NALCN: variants seen among roughly 807,000 people sequenced by gnomAD.
NALCN encodes sodium leak channel, non-selective.
Under a neutral mutation model 225.3 loss-of-function variants are expected in NALCN, and 111 were observed. That is an observed-to-expected ratio of 0.49 (90% confidence interval 0.42 to 0.58). The LOEUF is 0.58. NALCN is among the 20% of genes least tolerant of loss of function. The probability of loss-of-function intolerance (pLI) is 0.00; values close to 1 mark genes in which losing one functional copy is unlikely to be tolerated. For synonymous variants in NALCN, 764 were observed against 769.0 expected (o/e 0.99, Z 0.11); for missense variants, 1,378 against 2,202.4 (o/e 0.63, Z 7.49).
At chr13:101,389,629 A>G (rs1238181693) in intron 3 of NALCN, among the ~76,000 whole-genome samples, 2 of 152,210 alleles carry the variant, frequency 1.3e-5, no homozygotes, top group African/African-American at 2.4e-5. Flanking sequence ...ACCCATCAGG[A>G]TAACAACAGT....
chr13:101,116,948 T>A, intron 18 of NALCN: 1 of 516,630 alleles, frequency 1.9e-6, no homozygotes, highest in Non-Finnish European at 3.9e-6. Flanking sequence ...CAATGTGATC[T>A]TCCCAAGTAG....
chr13:101,138,080 C>T (rs2036891538), intron 17 of NALCN, among the ~76,000 whole-genome samples: 1 of 152,192 alleles, frequency 6.6e-6, no homozygotes, highest in African/African-American at 2.4e-5. Flanking sequence ...ATCAATCACA[C>T]TTCTTCTGTA....
intron 13 of NALCN, among the ~76,000 whole-genome samples, chr13:101,202,017 A>G (rs1288462690): frequency 6.6e-6 from 1 of 152,192 alleles, no homozygotes; most frequent in Non-Finnish European, 1.5e-5. Flanking sequence ...AATTGCCTTA[A>G]TGATTCATTT....
At chr13:101,082,582 T>C (rs1358127684) in intron 33 of NALCN, among the ~76,000 whole-genome samples, 1 of 152,238 alleles carries the variant, frequency 6.6e-6, no homozygotes, top group South Asian at 2.1e-4. Flanking sequence ...AGGCCAATGT[T>C]CAGACACAAC....
At position 101,209,811 on chromosome 13, in the gene NALCN, T is replaced by G. The variant is rs531086615; in HGVS notation, c.1627-17757A>C. ...TTGGTTTATCCCAAGAGACAGCAAA[T>G]GTGACATTTGTCTAGAATGTTAACA... On this transcript the variant is annotated intron_variant, in intron 13 of 43. Coordinates refer to ENST00000251127, the MANE Select transcript of NALCN (RefSeq NM_052867.4). Among the ~76,000 whole-genome samples the G allele has an allele frequency of 5.1e-4, 78 of 152,292 alleles. 1 individual carries two copies. In the South Asian group the frequency reaches 0.016, roughly 31 times the overall value.
intron 7 of NALCN, among the ~76,000 whole-genome samples, chr13:101,304,166 T>C (rs1453301945): frequency 1.3e-5 from 2 of 152,174 alleles, no homozygotes; most frequent in African/African-American, 2.4e-5. Flanking sequence ...TCTAAAATGA[T>C]TTTTATTTTA....
chr13:101,149,884 A>G (rs2037549376), intron 15 of NALCN, among the ~76,000 whole-genome samples: 1 of 152,252 alleles, frequency 6.6e-6, no homozygotes, highest in Non-Finnish European at 1.5e-5. Context: ...AGGTAAATCC[A>G]GCAGCCCTGT....
chr13:101,219,065 A>T (rs75267371), intron 13 of NALCN, among the ~76,000 whole-genome samples: 13,565 of 152,102 alleles, frequency 0.089, 1,808 homozygotes, highest in African/African-American at 0.29. Context: ...ATTTCAAATA[A>T]AGTTATATTT....
chr13:101,087,840 T>G (rs2034011325), intron 30 of NALCN, among the ~76,000 whole-genome samples: 1 of 152,198 alleles, frequency 6.6e-6, no homozygotes, highest in African/African-American at 2.4e-5. Flanking sequence ...TTGTGAGCTG[T>G]GATACATTCT....
chr13:101,181,966 T>C (rs1160885158), intron 14 of NALCN, among the ~76,000 whole-genome samples: 1 of 151,874 alleles, frequency 6.6e-6, no homozygotes, highest in Non-Finnish European at 1.5e-5. Flanking sequence ...ACCCCGTTTC[T>C]ACTAAAAGTA....
intron 7 of NALCN, among the ~76,000 whole-genome samples, chr13:101,295,112 A>G (rs961480686): frequency 1.3e-5 from 2 of 152,174 alleles, no homozygotes; most frequent in Admixed American, 6.5e-5. Flanking sequence ...CAGTAAACTT[A>G]TAAGTTTCTT....
In NALCN at chr13:101,071,908, T is replaced by C. The variant is rs527253273; in HGVS notation, c.4197+1676A>G. ...TATTCACTTGAACACTTATAGGCCA[T>C]TGTAGGGTTGTGAATCGGCCTAATG... is the stretch of plus-strand genomic sequence containing the variant. On this transcript the variant is annotated intron_variant, in intron 37 of 43. Coordinates refer to ENST00000251127, the MANE Select transcript of NALCN (RefSeq NM_052867.4). 6.6e-5 allele frequency among the ~76,000 whole-genome samples: 10 copies of C among 152,178 alleles called. No homozygotes were observed. The South Asian group carries it at 1.9e-3, about 28-fold the overall frequency.
intron 1 of NALCN, among the ~76,000 whole-genome samples, chr13:101,415,150 G>C (rs943743278): frequency 1.4e-5 from 2 of 143,328 alleles, no homozygotes; most frequent in African/African-American, 5.5e-5. Flanking sequence ...TAGTGAAACC[G>C]CTCCTCTCCC....
At chr13:101,375,596 T>C (rs1007488898) in intron 6 of NALCN, among the ~76,000 whole-genome samples, 3 of 152,200 alleles carry the variant, frequency 2.0e-5, no homozygotes, top group Non-Finnish European at 2.9e-5. Flanking sequence ...TAAAAATATT[T>C]TGAAGATGAA....
intron 13 of NALCN, among the ~76,000 whole-genome samples, chr13:101,223,210 A>G (rs1192213710): frequency 6.6e-6 from 1 of 152,148 alleles, no homozygotes; most frequent in Non-Finnish European, 1.5e-5. Flanking sequence ...ACATAACCCC[A>G]GATATAAAGG....
At chr13:101,354,079 C>T (rs899527747) in intron 6 of NALCN, among the ~76,000 whole-genome samples, 3 of 152,154 alleles carry the variant, frequency 2.0e-5, no homozygotes, top group Non-Finnish European at 4.4e-5. Context: ...TGCAGTGGCT[C>T]ACGCCTGCAA....
chr13:101,389,726 A>T (rs765634920), intron 3 of NALCN, among the ~76,000 whole-genome samples: 16 of 152,236 alleles, frequency 1.1e-4, no homozygotes, highest in Non-Finnish European at 2.4e-4. Flanking sequence ...CAACAAGAAG[A>T]ACAACCAAAC....
rs2046640730 is a variant in NALCN, at chr13:101,374,766, T to C, written c.644+1934A>G. ...TTCCTAGAAACTTGCACATGCCTCC[T>C]GGTCTGAAAACACGTGGAAACAAAA... On this transcript the variant is annotated intron_variant, in intron 6 of 43. Coordinates refer to ENST00000251127, the MANE Select transcript of NALCN (RefSeq NM_052867.4). Among the ~76,000 whole-genome samples, 3 of 152,232 alleles carry C rather than the reference T, an allele frequency of 2.0e-5. No individual in the cohort carries two copies. In the South Asian group the frequency reaches 6.2e-4, roughly 31 times the overall value.
chr13:101,284,246 C>T (rs1488330008), intron 9 of NALCN, among the ~76,000 whole-genome samples: 2 of 152,178 alleles, frequency 1.3e-5, no homozygotes, highest in East Asian at 3.9e-4. Flanking sequence ...CTATGTCAGG[C>T]ACTTTCTGTC....
Sources: gnomAD v4.1 joint callset for allele counts (sites outside exome capture counted in the v4.1 genomes callset) on GRCh38, gnomAD v4.1.1 for gene constraint, MANE v1.5 for transcripts, NCBI Gene and HGNC (gene_info 2026-07-23, HGNC 2026-07-21) for gene names.